The following PTPRK variants were observed in gnomAD, a reference collection of about 807,000 sequenced individuals.
PTPRK encodes receptor-type tyrosine-protein phosphatase kappa.
Under a neutral mutation model 178.0 loss-of-function variants are expected in PTPRK, and 75 were observed. The ratio of observed to expected loss-of-function variants is 0.42; its 90% confidence interval spans 0.35 to 0.51. The LOEUF is 0.51. Ranked by LOEUF, PTPRK falls within the 20% of genes least tolerant of loss-of-function variation. The pLI, the probability that PTPRK is intolerant of heterozygous loss-of-function variation, is 0.02. For missense variants in PTPRK, 1,441 were observed against 1,797.8 expected (o/e 0.80, Z 3.59); for synonymous variants, 637 against 620.6 (o/e 1.03, Z -0.39).
intron 7 of PTPRK, among the ~76,000 whole-genome samples, chr6:128,182,898 C>T (rs905804540): frequency 6.6e-6 from 1 of 151,768 alleles, no homozygotes; most frequent in Non-Finnish European, 1.5e-5. Context: ...TTTTTAAAGA[C>T]CTATTTTGAC....
At chr6:128,030,878 A>T (rs754260156) in intron 13 of PTPRK, among the ~76,000 whole-genome samples, 1 of 152,240 alleles carries the variant, frequency 6.6e-6, no homozygotes, top group Non-Finnish European at 1.5e-5. Flanking sequence ...GGAAATGGTT[A>T]CGAACATCTG....
chr6:128,143,633 G>A (rs2114521563), intron 7 of PTPRK, among the ~76,000 whole-genome samples: 1 of 152,190 alleles, frequency 6.6e-6, no homozygotes, highest in Middle Eastern at 3.4e-3. Context: ...GGGCTCTAGT[G>A]CTCCCATTCA....
At chr6:128,493,790 C>G (rs1311091672) in intron 1 of PTPRK, among the ~76,000 whole-genome samples, 1 of 152,172 alleles carries the variant, frequency 6.6e-6, no homozygotes, top group East Asian at 1.9e-4. Flanking sequence ...TCCTCCATCT[C>G]TTCATCTGGA....
chr6:128,127,663 C>CCTTTTAGA (rs1316843205), intron 7 of PTPRK, among the ~76,000 whole-genome samples: 2 of 152,122 alleles, frequency 1.3e-5, no homozygotes, highest in African/African-American at 4.8e-5. Flanking sequence ...CTAGAACTTG[C>CCTTTTAGA]CTTTTAGACG....
At chr6:128,055,130 A>G (rs948391366) in intron 13 of PTPRK, among the ~76,000 whole-genome samples, 6 of 152,182 alleles carry the variant, frequency 3.9e-5, no homozygotes, top group Non-Finnish European at 8.8e-5. Context: ...TTAAGAAACT[A>G]TTTCATTAAA....
At chr6:128,492,099 G>T (rs1853885275) in intron 1 of PTPRK, among the ~76,000 whole-genome samples, 1 of 152,134 alleles carries the variant, frequency 6.6e-6, no homozygotes, top group Non-Finnish European at 1.5e-5. Context: ...AGGGTTTCAT[G>T]ATCTAGTCCC....
chr6:128,291,473 C>A (rs1408724829), intron 3 of PTPRK, among the ~76,000 whole-genome samples: 1 of 152,108 alleles, frequency 6.6e-6, no homozygotes, highest in African/African-American at 2.4e-5. Context: ...AAAACTAATA[C>A]TATAAGTTAC....
chr6:128,264,525 C>T (rs1485804643), intron 3 of PTPRK, among the ~76,000 whole-genome samples: 4 of 151,794 alleles, frequency 2.6e-5, no homozygotes, highest in Non-Finnish European at 5.9e-5. Context: ...CTATGTTGTC[C>T]AGGCTCGAGT....
Position 128,146,165 on chromosome 6 carries a change from T to C in PTPRK, c.1162+38267A>G, listed in dbSNP as rs28567947. On this transcript the variant is annotated intron_variant, in intron 7 of 29. Coordinates refer to ENST00000368226, the MANE Select transcript of PTPRK (RefSeq NM_002844.4). ...TTCAATCCCTTTCTGGCAGTGGCACTGCAGGATGGGAGAGAAAAAGGCTAG... is the reference window on the plus strand; with the variant it reads ...TTCAATCCCTTTCTGGCAGTGGCACCGCAGGATGGGAGAGAAAAAGGCTAG... 3.9e-3 allele frequency among the ~76,000 whole-genome samples: 588 copies of C among 152,274 alleles called. 4 individuals carry two copies. Among genetic ancestry groups the C allele is most frequent in the African/African-American group, 0.013 (543 of 41,568 alleles).
chr6:128,064,718 T>G, intron 13 of PTPRK, 40 bp downstream of exon 13: 1 of 1,567,260 alleles, frequency 6.4e-7, no homozygotes, highest in Non-Finnish European at 8.6e-7. Context: ...AGAAAGGGGG[T>G]GAGAGTAGTT....
chr6:128,491,539 CAGCTGTA>C (rs1853772867), intron 1 of PTPRK, among the ~76,000 whole-genome samples: 1 of 152,182 alleles, frequency 6.6e-6, no homozygotes, highest in African/African-American at 2.4e-5. Context: ...CCACACTTGG[CAGCTGTA>C]ATGCAGTTTC....
intron 13 of PTPRK, among the ~76,000 whole-genome samples, chr6:128,061,852 T>C (rs1294590168): frequency 6.6e-6 from 1 of 152,194 alleles, no homozygotes; most frequent in Non-Finnish European, 1.5e-5. Flanking sequence ...AATTCATTTT[T>C]TTATATTGGG....
chr6:128,262,528 T>C (rs960940886), intron 3 of PTPRK, among the ~76,000 whole-genome samples: 4 of 152,042 alleles, frequency 2.6e-5, no homozygotes. Context: ...TTACTTAATC[T>C]TTCATATAGG....
intron 1 of PTPRK, among the ~76,000 whole-genome samples, chr6:128,418,645 C>A (rs1843106617): frequency 6.6e-6 from 1 of 152,088 alleles, no homozygotes. Flanking sequence ...TTCCTGGTGC[C>A]AGAAAGGTTG....
intron 6 of PTPRK, among the ~76,000 whole-genome samples, chr6:128,213,368 T>C (rs1281846024): frequency 6.6e-6 from 1 of 152,064 alleles, no homozygotes; most frequent in Non-Finnish European, 1.5e-5. Context: ...TCCTCCAAAT[T>C]TGACACATTT....
chr6:128,406,447 T>G (rs1841667332), intron 1 of PTPRK, among the ~76,000 whole-genome samples: 1 of 152,196 alleles, frequency 6.6e-6, no homozygotes, highest in African/African-American at 2.4e-5. Context: ...TGTCATTTTC[T>G]TTGGTTAGAA....
intron 7 of PTPRK, among the ~76,000 whole-genome samples, chr6:128,133,216 C>T (rs985747023): frequency 6.6e-6 from 1 of 152,018 alleles, no homozygotes; most frequent in Non-Finnish European, 1.5e-5. Flanking sequence ...TTAGTTTAGA[C>T]AAGATGAATA....
At chr6:128,218,846 A>G (rs2128271696) in intron 6 of PTPRK, 76 bp downstream of exon 6, 1 of 1,282,598 alleles carries the variant, frequency 7.8e-7, no homozygotes, top group Non-Finnish European at 1.1e-6. Context: ...TTAAAAATCA[A>G]TCAAAATATC....
chr6:128,023,459 T>C (rs1039437449), intron 13 of PTPRK, among the ~76,000 whole-genome samples: 1 of 152,180 alleles, frequency 6.6e-6, no homozygotes, highest in Non-Finnish European at 1.5e-5. Flanking sequence ...GGAGCTGGTG[T>C]TGCCTCCTTT....
Sources: gnomAD v4.1 joint callset for allele counts (sites outside exome capture counted in the v4.1 genomes callset) on GRCh38, gnomAD v4.1.1 for gene constraint, MANE v1.5 for transcripts, NCBI Gene and HGNC (gene_info 2026-07-23, HGNC 2026-07-21) for gene names.